GSPT1: variants seen among roughly 807,000 people sequenced by gnomAD.
GSPT1 encodes the protein G1 to S phase transition 1.
In GSPT1, 20 loss-of-function variants were observed where a neutral mutation model predicts 72.5. The ratio of observed to expected loss-of-function variants is 0.28; its 90% CI spans 0.19 to 0.40. The LOEUF (loss-of-function observed/expected upper bound fraction) is 0.40, where lower values mean the gene tolerates loss of function less well. Ranked by LOEUF, GSPT1 falls within the 10% of genes least tolerant of loss-of-function variation. The probability of loss-of-function intolerance (pLI) is 1.00; values close to 1 mark genes in which losing one functional copy is unlikely to be tolerated. For missense variants in GSPT1, 580 were observed against 811.9 expected (o/e 0.71, Z 3.47); for synonymous variants, 334 against 293.5 (o/e 1.14, Z -1.41).
chr16:11,905,241 T>C (rs1438656762), intron 1 of GSPT1, among the ~76,000 whole-genome samples: 1 of 152,204 alleles, frequency 6.6e-6, no homozygotes, highest in Non-Finnish European at 1.5e-5. Context: ...GTGATGGAAA[T>C]GTTTTATATC....
At chr16:11,894,646 C>T (rs1443219390) in intron 5 of GSPT1, among the ~76,000 whole-genome samples, 1 of 152,108 alleles carries the variant, frequency 6.6e-6, no homozygotes, top group East Asian at 1.9e-4. Flanking sequence ...ACAAAAACTA[C>T]TACTTTTAAA....
chr16:11,884,195 G>C (rs2054159090), intron 10 of GSPT1, among the ~76,000 whole-genome samples: 1 of 152,276 alleles, frequency 6.6e-6, no homozygotes, highest in African/African-American at 2.4e-5. Context: ...AACATCCAGT[G>C]CTGGTGAGGC....
intron 8 of GSPT1, 39 bp from the exon 9 acceptor site, chr16:11,886,650 G>T: frequency 6.4e-7 from 1 of 1,571,612 alleles, no homozygotes; most frequent in Non-Finnish European, 8.7e-7. Context: ...CAATTATAAT[G>T]TAAACCAAGA....
At chr16:11,892,531 A>AAAAAAAAAAAAAAAAAAAAAT (rs1567443313) in intron 5 of GSPT1, among the ~76,000 whole-genome samples, 2 of 139,864 alleles carry the variant, frequency 1.4e-5, no homozygotes, top group African/African-American at 5.7e-5. Context: ...AACAAAAAAA[A>AAAAAAAAAAAAAAAAAAAAAT]CAAAAAATAA....
chr16:11,915,454 G>T lies in GSPT1; in HGVS notation c.267C>A (p.Phe89Leu), dbSNP rs770440933. 2 of 1,545,016 alleles carry T rather than the reference G, an allele frequency of 1.3e-6. No individual in the cohort carries two copies. Reference sequence around the variant, plus strand: ...GTGGCGGCGCTGCCGGGCCCCGCAGGAAGGACGGCACGAACTCGGCGGCGT... The same window carrying T: ...GTGGCGGCGCTGCCGGGCCCCGCAGTAAGGACGGCACGAACTCGGCGGCGT... Reference protein sequence around the residue: ...NVHAAEFVPSFLRGPAAPPPP... With the variant: ...NVHAAEFVPSLLRGPAAPPPP... Residue 89 changes from phenylalanine to leucine, a missense_variant, in exon 1 of 15, where the codon TTC (phenylalanine) becomes TTA (leucine). Phe to Leu is a conservative substitution (Grantham distance 22). This residue lies in a region of GSPT1 where 327 missense variants were observed against 298.8 expected (regional missense o/e 1.09). Coordinates refer to ENST00000434724, the MANE Select transcript of GSPT1 (RefSeq NM_002094.4).
In GSPT1 at chr16:11,897,239, C is replaced by T. The variant is rs1403670990; in HGVS notation, c.437-454G>A. Among the ~76,000 whole-genome samples the T allele has an allele frequency of 3.9e-5, 6 of 152,136 alleles. No homozygotes were observed. The East Asian group carries it at 7.7e-4, about 19-fold the overall frequency. On this transcript the variant is annotated intron_variant, in intron 3 of 14. Coordinates refer to ENST00000434724, the MANE Select transcript of GSPT1 (RefSeq NM_002094.4). ...GCATCAACTTTAATCACGCTGAGAACGTGAAACCCTTAAGAATAAAGTTAT... is the reference window on the plus strand; with the variant it reads ...GCATCAACTTTAATCACGCTGAGAATGTGAAACCCTTAAGAATAAAGTTAT...
At chr16:11,880,521 C>T (rs1042761997) in intron 11 of GSPT1, among the ~76,000 whole-genome samples, 1 of 152,198 alleles carries the variant, frequency 6.6e-6, no homozygotes, top group Admixed American at 6.6e-5. Flanking sequence ...GAGATGGGAT[C>T]TCACACATAG....
At position 11,886,940 on chromosome 16, in the gene GSPT1, A is replaced by C. The variant is rs771620810; in HGVS notation, c.958-9T>G. On this transcript the variant is annotated splice_polypyrimidine_tract_variant and intron_variant, in intron 7 of 14. Transcript: ENST00000434724. Reference sequence around the variant, plus strand: ...TTCCTGGCTGAGATTACCTAATTCCAAGAAAGGAAACAGTTTACTCCTTCG... The same window carrying C: ...TTCCTGGCTGAGATTACCTAATTCCCAGAAAGGAAACAGTTTACTCCTTCG... 6.2e-7 allele frequency: 1 copy of C among 1,612,686 alleles called. No individual in the cohort carries two copies. The highest frequency in any genetic ancestry group is 8.5e-7 in the Non-Finnish European group (1 of 1,178,996).
chr16:11,887,021 GT>G (rs34304551), intron 7 of GSPT1, 90 bp from the exon 8 acceptor site: 28,729 of 540,474 alleles, frequency 0.053, 1 homozygote, highest in Middle Eastern at 0.075. Flanking sequence ...TATATCACGA[GT>G]TTTTTTTTTT....
chr16:11,902,648 C>T (rs569334068), intron 1 of GSPT1, among the ~76,000 whole-genome samples: 2 of 151,072 alleles, frequency 1.3e-5, no homozygotes, highest in Admixed American at 6.6e-5. Flanking sequence ...AGTGCACTAT[C>T]GCAGTCTCGG....
intron 14 of GSPT1, among the ~76,000 whole-genome samples, chr16:11,874,531 T>G (rs998685001): frequency 8.1e-5 from 12 of 148,468 alleles, no homozygotes; most frequent in Admixed American, 7.0e-4. Context: ...GGTTAAGAAT[T>G]CCTGCTACAT....
chr16:11,914,227 C>T (rs1269504439), intron 1 of GSPT1, among the ~76,000 whole-genome samples: 1 of 152,112 alleles, frequency 6.6e-6, no homozygotes, highest in Non-Finnish European at 1.5e-5. Flanking sequence ...AAAATAAGCA[C>T]CATTAGGAAG....
chr16:11,906,443 C>A (rs188925372), intron 1 of GSPT1, among the ~76,000 whole-genome samples: 45 of 152,102 alleles, frequency 3.0e-4, no homozygotes, highest in Admixed American at 2.5e-3. Context: ...CCAGCCAGGG[C>A]AACACAGTGA....
In GSPT1 at chr16:11,915,726, G is replaced by C. The variant is rs1353594862; in HGVS notation, c.-6C>G. 1.3e-5 allele frequency: 20 copies of C among 1,521,052 alleles called. No individual in the cohort carries two copies. The highest frequency in any genetic ancestry group is 5.7e-5 in the African/African-American group (4 of 69,682). The allele number at this position is 1,521,052 out of a possible 1,614,324, so 94.2% of individuals were successfully genotyped here. On this transcript the variant is annotated 5_prime_UTR_variant, in exon 1 of 15. Coordinates refer to ENST00000434724, the MANE Select transcript of GSPT1 (RefSeq NM_002094.4). ...CCGCCACTGCCCGGATCCATGATCG[G>C]GGGGGCCGTGTGTGTGGTGGACAGA...
At chr16:11,888,856 G>C (rs888199724) in intron 6 of GSPT1, among the ~76,000 whole-genome samples, 4 of 152,192 alleles carry the variant, frequency 2.6e-5, no homozygotes, top group African/African-American at 9.7e-5. Context: ...ATACCATCTA[G>C]AACTTTATGG....
At chr16:11,909,777 T>C (rs529875120) in intron 1 of GSPT1, among the ~76,000 whole-genome samples, 1 of 152,072 alleles carries the variant, frequency 6.6e-6, no homozygotes, top group South Asian at 2.1e-4. Flanking sequence ...ATACAAAAAT[T>C]AGCTGGGCGT....
At chr16:11,912,240 C>T (rs887875922) in intron 1 of GSPT1, among the ~76,000 whole-genome samples, 3 of 150,180 alleles carry the variant, frequency 2.0e-5, no homozygotes, top group South Asian at 4.2e-4. Context: ...CCCAGCTACT[C>T]GGGAGGCTGA....
In GSPT1 at chr16:11,895,284, A is replaced by G. The variant is rs548532866; in HGVS notation, c.665-297T>C. 11 of 222,524 alleles carry G rather than the reference A, an allele frequency of 4.9e-5. No homozygotes were observed. In the South Asian group the frequency reaches 7.6e-4, roughly 15 times the overall value. 13.8% of individuals were successfully genotyped at this position (222,524 alleles called of 1,614,324 possible). The stretch of plus-strand genomic sequence containing the variant: ...CGTTTCTACTAAAAATACAAAAATT[A>G]GCTAGGCGTGGTGGCGGCCGCCTGT... On this transcript the variant is annotated intron_variant, in intron 4 of 14. Transcript: ENST00000434724.
At chr16:11,875,105 C>G (rs144511276) in intron 14 of GSPT1, among the ~76,000 whole-genome samples, 1 of 151,932 alleles carries the variant, frequency 6.6e-6, no homozygotes, top group African/African-American at 2.4e-5. Context: ...AGGAGAATGG[C>G]GTGAACCTGG....
Sources: gnomAD v4.1 joint callset for allele counts (sites outside exome capture counted in the v4.1 genomes callset) on GRCh38, gnomAD v4.1.1 for gene constraint, gnomAD v4.1.1 regional missense constraint, MANE v1.5 for transcripts, NCBI Gene and HGNC (gene_info 2026-07-23, HGNC 2026-07-21) for gene names.